The following KIFBP variants were observed in gnomAD, a reference collection of about 807,000 sequenced individuals.
KIFBP encodes the protein kinesin family binding protein.
A neutral mutation model predicts 58.9 loss-of-function variants in KIFBP; 46 were observed. That is an observed-to-expected ratio of 0.78 (90% CI 0.62 to 1.00). The LOEUF is 1.00. Among genes scored for constraint, KIFBP ranks in the 50% least tolerant of loss-of-function variants. KIFBP has a pLI of 0.00. For synonymous variants in KIFBP, 241 were observed against 283.4 expected (o/e 0.85, Z 1.50); for missense variants, 651 against 752.9 (o/e 0.86, Z 1.58).
At chr10:68,998,864 C>G (rs1258736265) in intron 1 of KIFBP, among the ~76,000 whole-genome samples, 1 of 148,742 alleles carries the variant, frequency 6.7e-6, no homozygotes, top group Non-Finnish European at 1.5e-5. Context: ...TAACCTCCAC[C>G]TCCTGGGTTC....
rs1044770486 is a variant in KIFBP, at chr10:69,000,510, G to T, written c.513G>T (p.Gln171His). The change falls in exon 2 of 7, where the codon CAG becomes CAT. Residue 171 changes from glutamine to histidine, a missense_variant. Physicochemically the swap from Gln to His is conservative, Grantham distance 24. Transcript: ENST00000361983. The part of the protein sequence containing the change: ...YLESSEALYN[Q>H]YMKEVGSPPL... ...AGTCATCAGAAGCACTATATAATCA[G>T]TATATGAAAGAGGTATGTTACATGT... The T allele has an allele frequency of 6.3e-7, 1 of 1,594,244 alleles. No individual in the cohort carries two copies. Among genetic ancestry groups the T allele is most frequent in the African/African-American group, 1.3e-5 (1 of 74,436 alleles).
chr10:68,992,314 CTT>C (rs1843358864), intron 1 of KIFBP, among the ~76,000 whole-genome samples: 1 of 152,074 alleles, frequency 6.6e-6, no homozygotes, highest in Admixed American at 6.6e-5. Flanking sequence ...TTTTGCATGA[CTT>C]TTCATCTTTT....
At chr10:68,997,363 G>A (rs1408014940) in intron 1 of KIFBP, among the ~76,000 whole-genome samples, 1 of 152,180 alleles carries the variant, frequency 6.6e-6, no homozygotes, top group Non-Finnish European at 1.5e-5. Flanking sequence ...GGTGGGAGGT[G>A]ACTGGATCAT....
At chr10:69,003,156 G>A (rs2243632) in intron 2 of KIFBP, among the ~76,000 whole-genome samples, 12,105 of 151,648 alleles carry the variant, frequency 0.08, 658 homozygotes, top group African/African-American at 0.15. Context: ...TTGTACCTCT[G>A]TTTCAGTTAA....
intron 1 of KIFBP, among the ~76,000 whole-genome samples, chr10:68,993,660 A>G (rs1424021677): frequency 1.3e-5 from 2 of 151,720 alleles, no homozygotes; most frequent in Non-Finnish European, 2.9e-5. Flanking sequence ...CACTATATTG[A>G]CCAGGCTGGT....
intron 1 of KIFBP, among the ~76,000 whole-genome samples, chr10:68,995,603 T>C (rs1351367335): frequency 6.6e-6 from 1 of 152,244 alleles, no homozygotes; most frequent in Non-Finnish European, 1.5e-5. Flanking sequence ...TGTAGTTTTC[T>C]TGTTATATCT....
chr10:69,012,034 C>T (rs556220982), intron 6 of KIFBP, among the ~76,000 whole-genome samples: 1 of 152,192 alleles, frequency 6.6e-6, no homozygotes, highest in South Asian at 2.1e-4. Flanking sequence ...TTATCTTACA[C>T]ACAGCATGGA....
chr10:68,993,869 T>G (rs139848271), intron 1 of KIFBP, among the ~76,000 whole-genome samples: 127 of 152,298 alleles, frequency 8.3e-4, no homozygotes, highest in African/African-American at 3.0e-3. Flanking sequence ...CTAAGTAAAC[T>G]GATTAAGTTT....
rs1241920948 is a variant in KIFBP at position 69,016,145 on chromosome 10, C to T, written c.1595C>T (p.Pro532Leu). 1 of 1,614,190 alleles carries T rather than the reference C, an allele frequency of 6.2e-7. No homozygotes were observed. Among genetic ancestry groups the T allele is most frequent in the Admixed American group, 1.7e-5 (1 of 60,018 alleles). ...DSLRDPNKVF[P>L]EHIGEDVLRP... is the part of the protein sequence containing the mutation. The stretch of plus-strand genomic sequence containing the variant: ...CTGAGAGACCCAAATAAAGTATTCC[C>T]TGAGCATATAGGGGAAGATGTTCTT... The change falls in exon 7 of 7, where the codon CCT becomes CTT. Residue 532 changes from proline to leucine, a missense_variant. Physicochemically the swap from Pro to Leu is moderately conservative, Grantham distance 98. Transcript: ENST00000361983.
chr10:69,005,663 ACT>A (rs997712692), intron 3 of KIFBP, 67 bp from the exon 4 acceptor site: 5 of 1,221,060 alleles, frequency 4.1e-6, no homozygotes, highest in Admixed American at 1.9e-5. Flanking sequence ...ACAGAGCGAG[ACT>A]CTGTCTCAGG....
At chr10:69,014,498 T>TA (rs1306178062) in intron 6 of KIFBP, among the ~76,000 whole-genome samples, 1 of 152,082 alleles carries the variant, frequency 6.6e-6, no homozygotes, top group Non-Finnish European at 1.5e-5. Context: ...AAGCTAAAGT[T>TA]AGAGTTAGAA....
At chr10:68,990,014 A>AG (rs1240753728) in intron 1 of KIFBP, among the ~76,000 whole-genome samples, 1 of 152,180 alleles carries the variant, frequency 6.6e-6, no homozygotes, top group Admixed American at 6.5e-5. Flanking sequence ...TACATTCTTA[A>AG]TTCAAAATAA....
intron 2 of KIFBP, among the ~76,000 whole-genome samples, chr10:69,004,516 A>C (rs1416594591): frequency 6.6e-6 from 1 of 152,192 alleles, no homozygotes; most frequent in African/African-American, 2.4e-5. Context: ...ATTTGGTTAA[A>C]ACAAATAAAA....
chr10:68,999,076 G>A (rs547467986), intron 1 of KIFBP, among the ~76,000 whole-genome samples: 2 of 128,570 alleles, frequency 1.6e-5, no homozygotes, highest in African/African-American at 2.9e-5. Flanking sequence ...CCACTGTGCC[G>A]GGCCCATATA....
At chr10:69,011,305 T>G (rs929623568) in intron 6 of KIFBP, 13 of 283,600 alleles carry the variant, frequency 4.6e-5, no homozygotes, top group Non-Finnish European at 8.9e-5. Flanking sequence ...TACTCATCAT[T>G]CAAGGCCTAT....
At chr10:69,008,648 G>C (rs1843561839) in intron 4 of KIFBP, among the ~76,000 whole-genome samples, 193 bp from the exon 5 acceptor site, 1 of 151,556 alleles carries the variant, frequency 6.6e-6, no homozygotes, top group Admixed American at 6.6e-5. Flanking sequence ...AACCTTTGAG[G>C]TTACATTTTA....
intron 1 of KIFBP, among the ~76,000 whole-genome samples, chr10:68,997,845 C>T (rs1476569249): frequency 6.6e-6 from 1 of 152,128 alleles, no homozygotes; most frequent in Non-Finnish European, 1.5e-5. Context: ...TCACCTAGTA[C>T]CAGAAACTGG....
intron 4 of KIFBP, 69 bp from the exon 5 acceptor site, chr10:69,008,771 AT>A: frequency 8.4e-7 from 1 of 1,185,290 alleles, no homozygotes; most frequent in South Asian, 1.2e-5. Context: ...ATTAAAAGAA[AT>A]TATGCAAGTA....
chr10:69,013,550 A>G (rs538627264), intron 6 of KIFBP, among the ~76,000 whole-genome samples: 2 of 152,288 alleles, frequency 1.3e-5, no homozygotes, highest in South Asian at 4.1e-4. Context: ...TAAGTAAACA[A>G]GCAGCCCAAG....
Sources: gnomAD v4.1 joint callset for allele counts (sites outside exome capture counted in the v4.1 genomes callset) on GRCh38, gnomAD v4.1.1 for gene constraint, MANE v1.5 for transcripts, NCBI Gene and HGNC (gene_info 2026-07-23, HGNC 2026-07-21) for gene names.